Variants in FLI1 observed in about 807,000 individuals in gnomAD.
FLI1 encodes Fli-1 proto-oncogene, ETS transcription factor.
FLI1 carries 13 observed loss-of-function variants against 53.1 expected under a neutral mutation model. The observed-to-expected ratio is 0.24, with a 90% confidence interval of 0.16 to 0.39. FLI1 has a LOEUF of 0.39. Among genes scored for constraint, FLI1 ranks in the 10% least tolerant of loss-of-function variants. The pLI is 1.00. For synonymous variants in FLI1, 244 were observed against 236.7 expected, an observed-to-expected ratio of 1.03 and a Z score of -0.28; for missense variants, 424 against 600.5, an observed-to-expected ratio of 0.71 and a Z score of 3.07.
intron 5 of FLI1, chr11:128,804,598 A>T (rs1591388760): frequency 6.6e-6 from 1 of 151,864 alleles, no homozygotes; most frequent in Non-Finnish European, 1.5e-5. Flanking sequence ...CAGGTCTCCA[A>T]CCTCTCATTT....
At chr11:128,791,578 G>T (rs971879995) in intron 5 of FLI1, among the ~76,000 whole-genome samples, 1 of 152,178 alleles carries the variant, frequency 6.6e-6, no homozygotes, top group African/African-American at 2.4e-5. Context: ...AAAATAATAG[G>T]CAAAGTACCT....
At chr11:128,769,764 A>C (rs1941484777) in intron 3 of FLI1, among the ~76,000 whole-genome samples, 1 of 152,226 alleles carries the variant, frequency 6.6e-6, no homozygotes, top group Non-Finnish European at 1.5e-5. Flanking sequence ...TCTAGGTGCC[A>C]GGCACCACGT....
chr11:128,776,551 T>C (rs1941732750), intron 4 of FLI1, among the ~76,000 whole-genome samples: 1 of 152,156 alleles, frequency 6.6e-6, no homozygotes, highest in Admixed American at 6.5e-5. Context: ...CTTGGGAGGC[T>C]GAGGCAGGAG....
intron 2 of FLI1, among the ~76,000 whole-genome samples, chr11:128,759,581 T>G (rs1481085008): frequency 6.6e-6 from 1 of 152,042 alleles, no homozygotes; most frequent in Non-Finnish European, 1.5e-5. Context: ...AGGGCTTAGG[T>G]GAGTAAAGTG....
At chr11:128,773,952 G>A (rs895370204) in intron 4 of FLI1, among the ~76,000 whole-genome samples, 3 of 152,048 alleles carry the variant, frequency 2.0e-5, no homozygotes, top group African/African-American at 7.2e-5. Context: ...AGGCAGCTGC[G>A]AGTCTTGCAG....
chr11:128,754,292 C>A (rs1414485346), intron 1 of FLI1, among the ~76,000 whole-genome samples: 1 of 149,870 alleles, frequency 6.7e-6, no homozygotes, highest in Non-Finnish European at 1.5e-5. Flanking sequence ...TATGCATACC[C>A]AAAGCAGTAT....
At chr11:128,753,695 G>A (rs967869099) in intron 1 of FLI1, among the ~76,000 whole-genome samples, 9 of 152,254 alleles carry the variant, frequency 5.9e-5, no homozygotes, top group Non-Finnish European at 1.3e-4. Context: ...CTCCTCATGT[G>A]TAACAAGCTG....
Position 128,772,859 on chromosome 11 carries a change from G to C in FLI1, c.463G>C (p.Asp155His). The C allele has an allele frequency of 1.2e-5, 20 of 1,613,740 alleles. No individual in the cohort carries two copies. Among genetic ancestry groups the C allele is most frequent in the Non-Finnish European group, 1.7e-5 (20 of 1,179,766 alleles). Residue 155 changes from aspartate (D) to histidine (H), a missense_variant, in exon 4 of 9, where the codon GAC becomes CAC. This residue lies in a region of FLI1 where 114 missense variants were observed against 117.9 expected (regional missense o/e 0.97). Coordinates refer to ENST00000527786, the MANE Select transcript of FLI1 (RefSeq NM_002017.5). ...AAAGGAGTACAGCTTGATGGAGATC[G>C]ACACATCCTTTTTCCAGAACATGGA... is the stretch of plus-strand genomic sequence containing the variant. ...AIKEYSLMEI[D>H]TSFFQNMDGK...
chr11:128,776,085 T>C (rs1447894211), intron 4 of FLI1, among the ~76,000 whole-genome samples: 1 of 152,256 alleles, frequency 6.6e-6, no homozygotes, highest in Non-Finnish European at 1.5e-5. Context: ...CTATTTATTC[T>C]GGTGGTTTGG....
intron 1 of FLI1, among the ~76,000 whole-genome samples, chr11:128,735,939 G>T (rs531963102): frequency 1.3e-5 from 2 of 152,204 alleles, no homozygotes; most frequent in Non-Finnish European, 2.9e-5. Flanking sequence ...ATCGAAACAC[G>T]TATCTAGAAT....
chr11:128,793,917 C>T (rs1322904662), intron 5 of FLI1, among the ~76,000 whole-genome samples: 1 of 152,186 alleles, frequency 6.6e-6, no homozygotes, highest in African/African-American at 2.4e-5. Context: ...CCAACAATGA[C>T]TCCTCCCGCA....
At chr11:128,783,083 C>T (rs984452595) in intron 5 of FLI1, among the ~76,000 whole-genome samples, 1 of 152,154 alleles carries the variant, frequency 6.6e-6, no homozygotes, top group African/African-American at 2.4e-5. Flanking sequence ...GCACTCTGTC[C>T]TCCTTGGCTC....
intron 1 of FLI1, among the ~76,000 whole-genome samples, chr11:128,712,783 C>T (rs1938839932): frequency 6.6e-6 from 1 of 152,180 alleles, no homozygotes; most frequent in African/African-American, 2.4e-5. Context: ...GGTGGGGACA[C>T]AGAGCCAAAA....
intron 5 of FLI1, among the ~76,000 whole-genome samples, chr11:128,797,219 T>C (rs1942469473): frequency 6.6e-6 from 1 of 152,274 alleles, no homozygotes; most frequent in South Asian, 2.1e-4. Flanking sequence ...ATGTGAAAAG[T>C]ACTTGAGTCT....
chr11:128,745,746 G>T (rs1024117792), intron 1 of FLI1, among the ~76,000 whole-genome samples: 2 of 152,346 alleles, frequency 1.3e-5, no homozygotes, highest in Non-Finnish European at 2.9e-5. Context: ...GTCCCGGCTT[G>T]TGTGCGTGAG....
intron 1 of FLI1, among the ~76,000 whole-genome samples, chr11:128,751,393 T>C (rs952169875): frequency 4.6e-5 from 7 of 151,858 alleles, no homozygotes; most frequent in Non-Finnish European, 1.0e-4. Context: ...TCTTACTCTG[T>C]TGCCCAGGAT....
intron 1 of FLI1, 123 bp downstream of exon 1, chr11:128,694,399 G>T: frequency 3.8e-6 from 3 of 794,924 alleles, no homozygotes; most frequent in Non-Finnish European, 5.2e-6. Context: ...CCGCGCCCCG[G>T]CTTCGCGCCG....
At chr11:128,693,874 G>C (rs1234074036), upstream of FLI1, 4 of 206,434 alleles carry the variant, frequency 1.9e-5, no homozygotes, top group Non-Finnish European at 3.5e-5. Flanking sequence ...GGGAGGAAGA[G>C]GGGGTGTGGG....
intron 1 of FLI1, among the ~76,000 whole-genome samples, chr11:128,725,918 C>T (rs1332418310): frequency 6.6e-6 from 1 of 152,142 alleles, no homozygotes. Flanking sequence ...GTGTCCTGGG[C>T]ATGGGGACAG....
Sources: gnomAD v4.1 joint callset for allele counts (sites outside exome capture counted in the v4.1 genomes callset) on GRCh38, gnomAD v4.1.1 for gene constraint, gnomAD v4.1.1 regional missense constraint, MANE v1.5 for transcripts, NCBI Gene and HGNC (gene_info 2026-07-23, HGNC 2026-07-21) for gene names.